The following AMMECR1 variants were observed in gnomAD, a reference collection of about 807,000 sequenced individuals.
The protein encoded by AMMECR1 is AMMECR nuclear protein 1, also known as nuclear protein AMMECR1.
In AMMECR1, 3 loss-of-function variants were observed where a neutral mutation model predicts 22.5. That is an observed-to-expected ratio of 0.13 (90% CI 0.06 to 0.35). The LOEUF is 0.35. Ranked by LOEUF, AMMECR1 falls within the 10% of genes least tolerant of loss-of-function variation. AMMECR1 has a pLI of 1.00. For synonymous variants in AMMECR1, 130 were observed against 116.7 expected, an observed-to-expected ratio of 1.11 and a Z score of -0.74; for missense variants, 235 against 278.7, an observed-to-expected ratio of 0.84 and a Z score of 1.12.
chrX:110,208,516 C>A (rs780918930), intron 3 of AMMECR1, among the ~76,000 whole-genome samples: 1 of 111,627 alleles, frequency 9.0e-6, no homozygotes, highest in African/African-American at 3.3e-5. Flanking sequence ...CTAATTAGGG[C>A]CAATTTTGAT....
At chrX:110,344,808 C>G (rs1479674924) in intron 2 of AMMECR1, among the ~76,000 whole-genome samples, 1 of 111,305 alleles carries the variant, frequency 9.0e-6, no homozygotes, top group African/African-American at 3.3e-5. Flanking sequence ...CCATCTCACA[C>G]CAGTTAGAAT....
chrX:110,343,740 A>G (rs1302562019), intron 2 of AMMECR1, among the ~76,000 whole-genome samples: 1 of 111,164 alleles, frequency 9.0e-6, no homozygotes, highest in Non-Finnish European at 1.9e-5. Context: ...ACTCCCATTC[A>G]CAATTGCTTC....
Position 110,196,320 on chromosome X carries a change from G to C in AMMECR1, c.*2200C>G, listed in dbSNP as rs998762332. 2 of 111,102 alleles carry C rather than the reference G, an allele frequency of 1.8e-5. No homozygotes were observed. The highest frequency in any genetic ancestry group is 3.8e-5 in the Non-Finnish European group (2 of 52,928). The allele number at this position is 111,102 out of a possible 1,213,427, so 9.2% of individuals were successfully genotyped here. On this transcript the variant is annotated 3_prime_UTR_variant, in exon 6 of 6. Coordinates refer to ENST00000262844, the MANE Select transcript of AMMECR1 (RefSeq NM_015365.3). ...AGATGATGGATAAGATGGATTTCACGATAATATTGGTCTATTTTGTCTCTC... is the reference window on the plus strand; with the variant it reads ...AGATGATGGATAAGATGGATTTCACCATAATATTGGTCTATTTTGTCTCTC...
chrX:110,390,725 C>T (rs1204467457), intron 2 of AMMECR1, among the ~76,000 whole-genome samples: 2 of 112,189 alleles, frequency 1.8e-5, no homozygotes, highest in African/African-American at 6.5e-5. Flanking sequence ...AACCAAGCAG[C>T]TAATTAATCC....
At chrX:110,410,851 G>A (rs1042338777) in intron 2 of AMMECR1, among the ~76,000 whole-genome samples, 3 of 112,226 alleles carry the variant, frequency 2.7e-5, no homozygotes, top group African/African-American at 9.7e-5. Context: ...TCATTTTGGC[G>A]CAATTCAAGG....
chrX:110,438,065 G>A (rs1344900626), intron 1 of AMMECR1, among the ~76,000 whole-genome samples: 1 of 111,432 alleles, frequency 9.0e-6, no homozygotes, highest in East Asian at 2.8e-4. Context: ...TTCCCTTTCT[G>A]CCAACAGAGC....
At chrX:110,422,017 C>T (rs1193357632) in intron 2 of AMMECR1, among the ~76,000 whole-genome samples, 1 of 113,168 alleles carries the variant, frequency 8.8e-6, no homozygotes, top group Non-Finnish European at 1.9e-5. Context: ...ATTCTAAGTT[C>T]CCAGTTTTGA....
At chrX:110,202,011 C>T (rs2067399421) in intron 4 of AMMECR1, among the ~76,000 whole-genome samples, 1 of 111,318 alleles carries the variant, frequency 9.0e-6, no homozygotes. Flanking sequence ...AGTGGGAAAC[C>T]TAGAATCTTA....
intron 1 of AMMECR1, among the ~76,000 whole-genome samples, chrX:110,271,454 T>C (rs1471501151): frequency 8.9e-6 from 1 of 112,274 alleles, no homozygotes; most frequent in Non-Finnish European, 1.9e-5. Flanking sequence ...TAATCAAGGG[T>C]AATCACCACA....
chrX:110,351,230 C>CA (rs1048657097), intron 2 of AMMECR1, among the ~76,000 whole-genome samples: 4 of 111,270 alleles, frequency 3.6e-5, no homozygotes, highest in East Asian at 2.8e-4. Context: ...GGCTTCTTTG[C>CA]AAAAAATGAC....
intron 2 of AMMECR1, among the ~76,000 whole-genome samples, chrX:110,351,198 C>A (rs931068955): frequency 3.6e-5 from 4 of 111,843 alleles, no homozygotes; most frequent in African/African-American, 1.3e-4. Context: ...AGATTCAACA[C>A]AATCCCTATC....
intron 2 of AMMECR1, among the ~76,000 whole-genome samples, chrX:110,381,286 A>G (rs1164886079): frequency 8.9e-6 from 1 of 112,429 alleles, no homozygotes; most frequent in Non-Finnish European, 1.9e-5. Flanking sequence ...GACGCTTTTC[A>G]AAAGAAGACA....
At chrX:110,436,549 G>A (rs2068839827) in intron 1 of AMMECR1, among the ~76,000 whole-genome samples, 1 of 112,077 alleles carries the variant, frequency 8.9e-6, no homozygotes, top group Admixed American at 9.4e-5. Flanking sequence ...AACTAGGGAT[G>A]CTTCCCACTC....
At chrX:110,341,754 G>C (rs1476387932) in intron 2 of AMMECR1, among the ~76,000 whole-genome samples, 1 of 112,441 alleles carries the variant, frequency 8.9e-6, no homozygotes, top group Non-Finnish European at 1.9e-5. Context: ...AAGAAAAGCT[G>C]TAAAGTGCTT....
intron 2 of AMMECR1, among the ~76,000 whole-genome samples, chrX:110,410,308 G>C (rs2068633357): frequency 8.9e-6 from 1 of 111,831 alleles, no homozygotes; most frequent in Admixed American, 9.5e-5. Flanking sequence ...GTAGAGGACA[G>C]AGGGCATCTT....
intron 2 of AMMECR1, among the ~76,000 whole-genome samples, chrX:110,389,614 G>T (rs1427753190): frequency 1.9e-5 from 2 of 106,391 alleles, no homozygotes; most frequent in African/African-American, 6.8e-5. Flanking sequence ...CAATCTTTTT[G>T]TTTTTTTTTT....
intron 2 of AMMECR1, among the ~76,000 whole-genome samples, chrX:110,413,517 C>G (rs944763206): frequency 1.9e-5 from 2 of 104,820 alleles, no homozygotes; most frequent in African/African-American, 7.0e-5. Flanking sequence ...CTGGTCAACC[C>G]CCCCCCACCC....
chrX:110,270,875 C>T (rs1037265573), intron 1 of AMMECR1, among the ~76,000 whole-genome samples: 3 of 111,896 alleles, frequency 2.7e-5, no homozygotes, highest in Non-Finnish European at 5.6e-5. Flanking sequence ...CAAATTTCCT[C>T]CAAATCAAAA....
At chrX:110,350,027 A>G (rs1194390807) in intron 2 of AMMECR1, among the ~76,000 whole-genome samples, 1 of 112,402 alleles carries the variant, frequency 8.9e-6, no homozygotes, top group Admixed American at 9.4e-5. Flanking sequence ...GCTCAAAGAA[A>G]GCCTGCCATC....
Sources: gnomAD v4.1 joint callset for allele counts (sites outside exome capture counted in the v4.1 genomes callset) on GRCh38, gnomAD v4.1.1 for gene constraint, MANE v1.5 for transcripts, NCBI Gene and HGNC (gene_info 2026-07-23, HGNC 2026-07-21) for gene names.